The following HMCN1 variants were observed in gnomAD, a reference collection of about 807,000 sequenced individuals.
HMCN1 encodes hemicentin 1.
HMCN1 carries 321 observed loss-of-function variants against 625.9 expected under a neutral mutation model. That is an observed-to-expected ratio of 0.51 (90% CI 0.47 to 0.56). The LOEUF is 0.56. Among genes scored for constraint, HMCN1 ranks in the 20% least tolerant of loss-of-function variants. HMCN1 has a pLI of 0.00. For synonymous variants in HMCN1, 2,425 were observed against 2,417.6 expected (o/e 1.00, Z -0.09); for missense variants, 6,588 against 6,887.3 (o/e 0.96, Z 1.54).
At chr1:185,975,201 A>G (rs934059299) in intron 15 of HMCN1, among the ~76,000 whole-genome samples, 1 of 152,190 alleles carries the variant, frequency 6.6e-6, no homozygotes, top group Non-Finnish European at 1.5e-5. Context: ...GAGAAAAGTA[A>G]CTAGGTCTTA....
intron 4 of HMCN1, among the ~76,000 whole-genome samples, chr1:185,888,714 T>C (rs1664839963): frequency 6.8e-6 from 1 of 146,960 alleles, no homozygotes. Context: ...TACTGTAGCC[T>C]TGTAGTATAG....
At chr1:185,903,063 CAT>C (rs543550953) in intron 4 of HMCN1, among the ~76,000 whole-genome samples, 33 of 151,708 alleles carry the variant, frequency 2.2e-4, no homozygotes, top group Admixed American at 1.1e-3. Context: ...TTAAATAAAA[CAT>C]ATTTTTCTGG....
chr1:185,921,503 G>T (rs1190746606), intron 6 of HMCN1, among the ~76,000 whole-genome samples: 1 of 152,018 alleles, frequency 6.6e-6, no homozygotes, highest in South Asian at 2.1e-4. Context: ...ACACAAATAC[G>T]GCTGTCTACC....
chr1:185,880,232 G>A (rs6698721), intron 4 of HMCN1, among the ~76,000 whole-genome samples: 22,843 of 152,052 alleles, frequency 0.15, 5,607 homozygotes, highest in African/African-American at 0.51. Context: ...TGGAAGTCAC[G>A]GTGAAGACTT....
chr1:185,842,004 A>G (rs1661506218), intron 1 of HMCN1, among the ~76,000 whole-genome samples: 1 of 152,228 alleles, frequency 6.6e-6, no homozygotes, highest in African/African-American at 2.4e-5. Context: ...GTTTTAACCA[A>G]TTTGAAATCC....
intron 1 of HMCN1, among the ~76,000 whole-genome samples, chr1:185,777,554 T>A (rs815383): frequency 6.6e-6 from 1 of 152,138 alleles, no homozygotes; most frequent in South Asian, 2.1e-4. Context: ...TGGCTTCAAG[T>A]GATTCTCCTG....
intron 36 of HMCN1, among the ~76,000 whole-genome samples, chr1:186,027,665 A>G (rs907247032): frequency 6.6e-6 from 1 of 152,142 alleles, no homozygotes; most frequent in Admixed American, 6.5e-5. Flanking sequence ...CAGCATCTGT[A>G]AATGACAGCA....
At chr1:185,740,449 A>C (rs1056237513) in intron 1 of HMCN1, among the ~76,000 whole-genome samples, 2 of 152,190 alleles carry the variant, frequency 1.3e-5, no homozygotes, top group Non-Finnish European at 2.9e-5. Context: ...AAAATAAAGA[A>C]GACAAGACAG....
intron 95 of HMCN1, among the ~76,000 whole-genome samples, 165 bp downstream of exon 95, chr1:186,151,908 T>C (rs940963824): frequency 6.6e-6 from 1 of 152,234 alleles, no homozygotes; most frequent in African/African-American, 2.4e-5. Flanking sequence ...TGTACTAACA[T>C]AAGATCATAA....
At chr1:185,751,353 G>T (rs867911222) in intron 1 of HMCN1, among the ~76,000 whole-genome samples, 1 of 151,676 alleles carries the variant, frequency 6.6e-6, no homozygotes, top group Non-Finnish European at 1.5e-5. Context: ...GACTTCTTTT[G>T]TTGTTGATGA....
chr1:186,160,118 A>G (rs1396406862), intron 97 of HMCN1, among the ~76,000 whole-genome samples: 1 of 151,716 alleles, frequency 6.6e-6, no homozygotes, highest in Non-Finnish European at 1.5e-5. Context: ...TGGTCTATTC[A>G]GAGTTCAACT....
At chr1:185,870,078 A>G (rs1331606770) in intron 4 of HMCN1, among the ~76,000 whole-genome samples, 2 of 150,460 alleles carry the variant, frequency 1.3e-5, no homozygotes, top group African/African-American at 4.9e-5. Flanking sequence ...GGACTGTTTC[A>G]TCTTTATTTA....
chr1:185,791,248 G>C (rs570833865), intron 1 of HMCN1, among the ~76,000 whole-genome samples: 1 of 152,106 alleles, frequency 6.6e-6, no homozygotes, highest in African/African-American at 2.4e-5. Context: ...ACAGTGTCTG[G>C]TACATAGTAG....
intron 11 of HMCN1, 25 bp downstream of exon 11, chr1:185,933,849 A>G (rs370814924): frequency 4.4e-5 from 71 of 1,608,378 alleles, no homozygotes; most frequent in Non-Finnish European, 5.8e-5. Flanking sequence ...TAACTTCTGA[A>G]TTATGACATC....
At chr1:186,001,215 G>T in intron 26 of HMCN1, 83 bp from the exon 27 acceptor site, 1 of 1,155,366 alleles carries the variant, frequency 8.7e-7, no homozygotes, top group Non-Finnish European at 1.3e-6. Flanking sequence ...TTCAGAATTT[G>T]CTGTATAAAG....
intron 100 of HMCN1, among the ~76,000 whole-genome samples, chr1:186,167,313 G>A (rs1325326837): frequency 6.6e-6 from 1 of 152,138 alleles, no homozygotes; most frequent in African/African-American, 2.4e-5. Context: ...AATGTTTGTT[G>A]AATGATGTTT....
At chr1:185,830,020 T>C (rs1370557231) in intron 1 of HMCN1, among the ~76,000 whole-genome samples, 1 of 152,254 alleles carries the variant, frequency 6.6e-6, no homozygotes, top group Non-Finnish European at 1.5e-5. Flanking sequence ...TTTTTTCATG[T>C]ATTTTTTGGC....
At chr1:185,980,849 T>C in intron 16 of HMCN1, 129 bp from the exon 17 acceptor site, 1 of 751,378 alleles carries the variant, frequency 1.3e-6, no homozygotes, top group Non-Finnish European at 2.5e-6. Context: ...ATGGCTGGTT[T>C]CTGTGTATGT....
chr1:186,002,028 T>C (rs1653234982), intron 28 of HMCN1, among the ~76,000 whole-genome samples: 1 of 152,084 alleles, frequency 6.6e-6, no homozygotes, highest in African/African-American at 2.4e-5. Flanking sequence ...TTATTACTCT[T>C]GTCAATTTCT....
Sources: gnomAD v4.1 joint callset for allele counts (sites outside exome capture counted in the v4.1 genomes callset) on GRCh38, gnomAD v4.1.1 for gene constraint, MANE v1.5 for transcripts, NCBI Gene and HGNC (gene_info 2026-07-23, HGNC 2026-07-21) for gene names.